Variants in CTNNA1 observed in about 807,000 individuals in gnomAD.
CTNNA1 encodes catenin alpha-1.
In CTNNA1, 37 loss-of-function variants were observed where a neutral mutation model predicts 98.4. The ratio of observed to expected loss-of-function variants is 0.38; its 90% CI spans 0.29 to 0.49. The LOEUF (loss-of-function observed/expected upper bound fraction) is 0.49, where lower values mean the gene tolerates loss of function less well. CTNNA1 is among the 20% of genes least tolerant of loss of function. CTNNA1 has a pLI of 0.95. For synonymous variants in CTNNA1, 404 were observed against 413.2 expected, an observed-to-expected ratio of 0.98 and a Z score of 0.27; for missense variants, 761 against 1,147.2, an observed-to-expected ratio of 0.66 and a Z score of 4.86.
At chr5:138,933,654 AG>A in intron 17 of CTNNA1, 147 bp from the exon 18 acceptor site, 4 of 759,878 alleles carry the variant, frequency 5.3e-6, no homozygotes, top group Non-Finnish European at 6.2e-6. Context: ...GGTGTTCTTC[AG>A]GAACAGGCTG....
chr5:138,922,174 A>G lies in CTNNA1; in HGVS notation c.1547-2336A>G, dbSNP rs142825870. On this transcript the variant is annotated intron_variant, in intron 11 of 17. Coordinates refer to ENST00000302763, the MANE Select transcript of CTNNA1 (RefSeq NM_001903.5). ...CAGTTGGCATGGTTCCTGGGGGGCAATTAGGTACCATACTTCTACTTTAAA... is the reference window on the plus strand; with the variant it reads ...CAGTTGGCATGGTTCCTGGGGGGCAGTTAGGTACCATACTTCTACTTTAAA... Among the ~76,000 whole-genome samples the G allele has an allele frequency of 1.5e-3, 229 of 152,288 alleles. 2 individuals are homozygous for G. The highest frequency in any genetic ancestry group is 5.2e-3 in the African/African-American group (216 of 41,566).
intron 5 of CTNNA1, among the ~76,000 whole-genome samples, chr5:138,813,350 A>G (rs567044098): frequency 6.6e-6 from 1 of 152,314 alleles, no homozygotes; most frequent in South Asian, 2.1e-4. Context: ...AGCTCCTAGT[A>G]GACTTGTCCT....
At chr5:138,840,179 A>G (rs1006580016) in intron 7 of CTNNA1, among the ~76,000 whole-genome samples, 4 of 152,228 alleles carry the variant, frequency 2.6e-5, no homozygotes, top group African/African-American at 9.6e-5. Flanking sequence ...AACAGAAAAT[A>G]AAGTGTAGCA....
chr5:138,911,756 T>C (rs1760678627), intron 10 of CTNNA1, among the ~76,000 whole-genome samples: 1 of 152,232 alleles, frequency 6.6e-6, no homozygotes. Context: ...TGGTAATTTA[T>C]TACAGAAGCA....
intron 3 of CTNNA1, among the ~76,000 whole-genome samples, chr5:138,809,460 A>G (rs909573662): frequency 6.6e-6 from 1 of 152,232 alleles, no homozygotes; most frequent in Non-Finnish European, 1.5e-5. Flanking sequence ...AGGCCATACC[A>G]TAATTTACTT....
chr5:138,861,305 A>G (rs972963815), intron 7 of CTNNA1, among the ~76,000 whole-genome samples: 1 of 152,178 alleles, frequency 6.6e-6, no homozygotes. Context: ...ACAGACGTCC[A>G]CCAACACGCC....
At chr5:138,895,677 AAT>A (rs1756625912) in intron 9 of CTNNA1, among the ~76,000 whole-genome samples, 1 of 152,084 alleles carries the variant, frequency 6.6e-6, no homozygotes, top group Non-Finnish European at 1.5e-5. Context: ...ATACAACAAT[AAT>A]CTCTACTCAC....
intron 9 of CTNNA1, among the ~76,000 whole-genome samples, chr5:138,892,639 G>A (rs1175370416): frequency 1.3e-5 from 2 of 151,924 alleles, no homozygotes; most frequent in East Asian, 3.9e-4. Flanking sequence ...ACTGTGCCCG[G>A]CCCAGTAATA....
chr5:138,928,144 C>T (rs1000295856), intron 13 of CTNNA1, among the ~76,000 whole-genome samples: 1 of 152,186 alleles, frequency 6.6e-6, no homozygotes, highest in African/African-American at 2.4e-5. Flanking sequence ...ACGAGAGACT[C>T]GCCTCACTGC....
chr5:138,837,416 T>TCTC (rs1166041137), intron 7 of CTNNA1, among the ~76,000 whole-genome samples: 2 of 151,420 alleles, frequency 1.3e-5, no homozygotes, highest in Non-Finnish European at 2.9e-5. Context: ...GTTTCTTCCT[T>TCTC]CTCCTCCTCC....
intron 9 of CTNNA1, chr5:138,887,878 C>T (rs1561657918): frequency 2.9e-6 from 1 of 348,052 alleles, no homozygotes; most frequent in East Asian, 4.9e-5. Flanking sequence ...CCTAACATCT[C>T]CACTTAATGC....
chr5:138,852,465 G>T (rs1197524414), intron 7 of CTNNA1, among the ~76,000 whole-genome samples: 1 of 145,548 alleles, frequency 6.9e-6, no homozygotes, highest in Non-Finnish European at 1.5e-5. Context: ...TTGGGGGGTG[G>T]GGGGGGTACA....
chr5:138,900,107 T>C (rs773457167), intron 9 of CTNNA1, among the ~76,000 whole-genome samples: 1 of 152,270 alleles, frequency 6.6e-6, no homozygotes, highest in East Asian at 1.9e-4. Context: ...TGAAATGTTA[T>C]GACCTGCATT....
chr5:138,768,328 C>A (rs1296372697), intron 1 of CTNNA1, among the ~76,000 whole-genome samples: 2 of 151,920 alleles, frequency 1.3e-5, no homozygotes. Context: ...GGTGCGATCT[C>A]GGCTCACCTC....
chr5:138,790,503 G>A (rs549252210), intron 3 of CTNNA1, among the ~76,000 whole-genome samples: 2 of 152,256 alleles, frequency 1.3e-5, no homozygotes, highest in South Asian at 4.2e-4. Context: ...GAGTTCCTAT[G>A]GCAATGATAA....
chr5:138,853,707 T>C (rs1251758558), intron 7 of CTNNA1, among the ~76,000 whole-genome samples: 1 of 152,214 alleles, frequency 6.6e-6, no homozygotes, highest in Non-Finnish European at 1.5e-5. Flanking sequence ...GGATTTGACA[T>C]TTTACAATCA....
intron 14 of CTNNA1, among the ~76,000 whole-genome samples, chr5:138,929,708 T>G (rs527356973): frequency 6.6e-6 from 1 of 152,386 alleles, no homozygotes; most frequent in African/African-American, 2.4e-5. Flanking sequence ...GGGTATGAAC[T>G]ATTTAATTAT....
In CTNNA1 at chr5:138,909,607, G is replaced by T. The variant is rs548382321; in HGVS notation, c.1389+5166G>T. Among the ~76,000 whole-genome samples, 33 of 152,150 alleles carry T rather than the reference G, an allele frequency of 2.2e-4. No individual in the cohort carries two copies. The South Asian group carries it at 4.2e-3, about 19-fold the overall frequency. On this transcript the variant is annotated intron_variant, in intron 10 of 17. Coordinates refer to ENST00000302763, the MANE Select transcript of CTNNA1 (RefSeq NM_001903.5). The stretch of plus-strand genomic sequence containing the variant: ...TCCCACCTGAGCCTCCCAAAGTGCT[G>T]GGATTTCAGCCTGTGAGCCACTGTC...
intron 1 of CTNNA1, among the ~76,000 whole-genome samples, chr5:138,765,768 G>A (rs938006292): frequency 6.6e-6 from 1 of 151,698 alleles, no homozygotes. Context: ...GGCCAACATG[G>A]TGAAACCCCA....
Sources: allele counts gnomAD v4.1 joint callset (sites outside exome capture counted in the v4.1 genomes callset), GRCh38; gene constraint gnomAD v4.1.1; transcripts MANE v1.5; gene names NCBI Gene and HGNC (gene_info 2026-07-23, HGNC 2026-07-21).